Variants in RABGAP1 observed in about 807,000 individuals in gnomAD.
RABGAP1 encodes rab GTPase-activating protein 1.
In RABGAP1, 23 loss-of-function variants were observed where a neutral mutation model predicts 137.6. The ratio of observed to expected loss-of-function variants is 0.17; its 90% CI spans 0.12 to 0.24. The LOEUF (loss-of-function observed/expected upper bound fraction) is 0.24, where lower values mean the gene tolerates loss of function less well. RABGAP1 is among the 10% of genes least tolerant of loss of function. RABGAP1 has a pLI of 1.00. For missense variants in RABGAP1, 906 were observed against 1,275.8 expected (o/e 0.71, Z 4.42); for synonymous variants, 451 against 450.7 (o/e 1.00, Z -0.01).
In RABGAP1 at chr9:123,015,523, G is replaced by A. The variant is rs2031161789; in HGVS notation, c.1550-20G>A. The A allele has an allele frequency of 6.6e-6, 10 of 1,516,706 alleles. No homozygotes were observed. The highest frequency in any genetic ancestry group is 9.1e-6 in the Non-Finnish European group (10 of 1,100,386). The allele number at this position is 1,516,706 out of a possible 1,614,324, so 94.0% of individuals were successfully genotyped here. A position where few individuals can be genotyped will look rare whatever the true frequency, so the allele number is the denominator to read the frequency against. ...CATAGCCATCTCTGTTACCGTTTTT[G>A]TGTGTTTTGTTTATTATAGATAATG... On this transcript the variant is annotated intron_variant, in intron 11 of 25. Coordinates refer to ENST00000373647, the MANE Select transcript of RABGAP1 (RefSeq NM_012197.4).
intron 7 of RABGAP1, 52 bp from the exon 8 acceptor site, chr9:122,996,487 G>A (rs929963876): frequency 2.7e-6 from 4 of 1,509,292 alleles, no homozygotes; most frequent in African/African-American, 1.4e-5. Context: ...TAATTTAAAC[G>A]TTCTTTTGTG....
At chr9:123,035,620 G>A (rs779257603) in intron 13 of RABGAP1, 1 of 1,551,212 alleles carries the variant, frequency 6.4e-7, no homozygotes, top group Non-Finnish European at 8.7e-7. Context: ...TATCTGAAGT[G>A]GCTCAGTTAC....
intron 13 of RABGAP1, among the ~76,000 whole-genome samples, chr9:123,055,429 A>G (rs1483442915): frequency 1.3e-5 from 2 of 151,496 alleles, no homozygotes; most frequent in African/African-American, 4.9e-5. Context: ...ATGGCATTTC[A>G]CCGTGTTGCC....
At chr9:123,068,614 C>G (rs558200620) in intron 14 of RABGAP1, among the ~76,000 whole-genome samples, 1 of 152,202 alleles carries the variant, frequency 6.6e-6, no homozygotes, top group East Asian at 1.9e-4. Context: ...ATAAACTGAT[C>G]ATTTCTAAAG....
chr9:123,089,601 CCCT>C (rs2132211289), intron 19 of RABGAP1, 154 bp from the exon 20 acceptor site: 1 of 612,594 alleles, frequency 1.6e-6, no homozygotes, highest in East Asian at 2.8e-5. Flanking sequence ...TGGGCTTATA[CCCT>C]ACTCTGATGA....
chr9:123,004,933 G>A lies in RABGAP1; in HGVS notation c.1375-5421G>A, dbSNP rs1026912692. On this transcript the variant is annotated intron_variant, in intron 10 of 25. Coordinates refer to ENST00000373647, the MANE Select transcript of RABGAP1 (RefSeq NM_012197.4). Reference sequence around the variant, plus strand: ...TAGCTGGGTGTGGTGGTGCACATCCGTAATCCCAGCTACTCGGGAGGCCGA... The same window carrying A: ...TAGCTGGGTGTGGTGGTGCACATCCATAATCCCAGCTACTCGGGAGGCCGA... Among the ~76,000 whole-genome samples, 7 of 151,580 alleles carry A rather than the reference G, an allele frequency of 4.6e-5. No homozygotes were observed. In the East Asian group the frequency reaches 1.2e-3, roughly 25 times the overall value.
intron 10 of RABGAP1, among the ~76,000 whole-genome samples, chr9:123,007,056 A>AC (rs1274332000): frequency 6.7e-6 from 1 of 149,588 alleles, no homozygotes. Flanking sequence ...GGAAAAAAAA[A>AC]ACTACTGGTG....
chr9:123,051,405 G>A (rs1456869997), intron 13 of RABGAP1, among the ~76,000 whole-genome samples: 1 of 151,372 alleles, frequency 6.6e-6, no homozygotes, highest in African/African-American at 2.4e-5. Context: ...GTGCCACCAC[G>A]GCTGGCTAAT....
At position 123,020,995 on chromosome 9, in the gene RABGAP1, C is replaced by G. The variant is rs553750311; in HGVS notation, c.1794+536C>G. The G allele has an allele frequency of 7.0e-5, 42 of 597,268 alleles. No individual in the cohort carries two copies. The East Asian group carries it at 5.2e-3, about 74-fold the overall frequency. The allele number at this position is 597,268 out of a possible 1,614,324, so 37.0% of individuals were successfully genotyped here. The stretch of plus-strand genomic sequence containing the variant: ...AGCAAAACAAGAAAAACTATTTCTT[C>G]TACAAGCATATCAGGATTTAAAGTA... On this transcript the variant is annotated intron_variant, in intron 13 of 25. Transcript: ENST00000373647.
rs185956720 is a variant in RABGAP1 at position 123,086,287 on chromosome 9, C to G, written c.2425-3471C>G. 3.9e-5 allele frequency among the ~76,000 whole-genome samples: 6 copies of G among 152,300 alleles called. No individual in the cohort carries two copies. The East Asian group carries it at 1.2e-3, about 29-fold the overall frequency. ...TGCATGTCCACTTTGGTTGCCATTT[C>G]CATTCAGAAGAAAAGTCAATGCAAG... is the stretch of plus-strand genomic sequence containing the variant. On this transcript the variant is annotated intron_variant, in intron 19 of 25. Transcript: ENST00000373647.
chr9:123,068,598 C>T (rs940402450), intron 14 of RABGAP1, among the ~76,000 whole-genome samples: 1 of 152,088 alleles, frequency 6.6e-6, no homozygotes, highest in Non-Finnish European at 1.5e-5. Flanking sequence ...AGTGGTGCCT[C>T]GTATTATAAA....
At chr9:123,092,217 T>C (rs2035051377) in intron 21 of RABGAP1, among the ~76,000 whole-genome samples, 1 of 152,216 alleles carries the variant, frequency 6.6e-6, no homozygotes, top group Non-Finnish European at 1.5e-5. Context: ...AGACTACTTA[T>C]GTTCTTAAAA....
rs1262563888 is a variant in RABGAP1, at chr9:122,973,241, C to CTTT, written c.151-11238_151-11236dup. On this transcript the variant is annotated intron_variant, in intron 2 of 25. Coordinates refer to ENST00000373647, the MANE Select transcript of RABGAP1 (RefSeq NM_012197.4). The stretch of plus-strand genomic sequence containing the variant: ...GTTTCTTATGCAGAAAGATCAGTTA[C>CTTT]TTTTTTTTGCTTTTGAGACGGAGTC... Among the ~76,000 whole-genome samples, 8 of 151,902 alleles carry CTTT rather than the reference C, an allele frequency of 5.3e-5. No homozygotes were observed. In the South Asian group the frequency reaches 1.7e-3, roughly 32 times the overall value.
chr9:122,950,383 T>TC (rs1554782688), intron 1 of RABGAP1, among the ~76,000 whole-genome samples: 5 of 140,390 alleles, frequency 3.6e-5, no homozygotes, highest in Admixed American at 7.0e-5. Flanking sequence ...CTTTCTTTTT[T>TC]TTTTTTTTTT....
chr9:122,982,039 ACT>A (rs1214538480), intron 2 of RABGAP1, among the ~76,000 whole-genome samples: 4 of 148,258 alleles, frequency 2.7e-5, no homozygotes, highest in Admixed American at 1.4e-4. Flanking sequence ...ACAGAGCAAG[ACT>A]CTGTCTCAAA....
At chr9:123,065,635 G>C in intron 14 of RABGAP1, 174 bp downstream of exon 14, 2 of 586,712 alleles carry the variant, frequency 3.4e-6, no homozygotes, top group Non-Finnish European at 6.1e-6. Context: ...TTAAAGAGTA[G>C]AAAATAATAA....
At chr9:123,098,525 G>C (rs2035250278) in intron 22 of RABGAP1, among the ~76,000 whole-genome samples, 190 bp from the exon 23 acceptor site, 1 of 152,184 alleles carries the variant, frequency 6.6e-6, no homozygotes, top group South Asian at 2.1e-4. Context: ...AGTTTTAACT[G>C]TTCTCTCCCT....
chr9:123,076,393 A>C, intron 18 of RABGAP1, 107 bp downstream of exon 18: 1 of 1,276,514 alleles, frequency 7.8e-7, no homozygotes, highest in Non-Finnish European at 1.1e-6. Flanking sequence ...AGCATTACCC[A>C]TGACAGTGGA....
chr9:123,027,384 G>T (rs1156424538), intron 13 of RABGAP1, among the ~76,000 whole-genome samples: 1 of 152,096 alleles, frequency 6.6e-6, no homozygotes, highest in Non-Finnish European at 1.5e-5. Flanking sequence ...AAAGTGCTGG[G>T]ATTACAGGCG....
Sources: allele counts gnomAD v4.1 joint callset (sites outside exome capture counted in the v4.1 genomes callset), GRCh38; gene constraint gnomAD v4.1.1; transcripts MANE v1.5; gene names NCBI Gene and HGNC (gene_info 2026-07-23, HGNC 2026-07-21).